Variants in GATAD2A observed in about 807,000 individuals in gnomAD.
GATAD2A encodes GATA zinc finger domain containing 2A, also known as transcriptional repressor p66-alpha.
GATAD2A carries 12 observed loss-of-function variants against 68.5 expected under a neutral mutation model. That is an observed-to-expected ratio of 0.18 (90% CI 0.11 to 0.28). GATAD2A has a LOEUF of 0.28. GATAD2A is among the 10% of genes least tolerant of loss of function. GATAD2A has a pLI of 1.00. For missense variants in GATAD2A, 755 were observed against 868.5 expected (o/e 0.87, Z 1.64); for synonymous variants, 410 against 375.3 (o/e 1.09, Z -1.07).
At chr19:19,501,768 C>T (rs80043488) in intron 9 of GATAD2A, among the ~76,000 whole-genome samples, 1 of 152,192 alleles carries the variant, frequency 6.6e-6, no homozygotes. Flanking sequence ...CCTTCCCACC[C>T]TCTTGTAGAC....
At chr19:19,461,745 G>T (rs568736273) in intron 1 of GATAD2A, among the ~76,000 whole-genome samples, 6 of 152,244 alleles carry the variant, frequency 3.9e-5, no homozygotes, top group Non-Finnish European at 7.3e-5. Flanking sequence ...AGCCTTGCTG[G>T]TGCTGCTCAT....
rs1367096298 is a variant in GATAD2A at position 19,492,358 on chromosome 19, G to A, written c.322G>A (p.Asp108Asn). Residue 108 changes from aspartate to asparagine, a missense_variant, in exon 3 of 12, where the codon GAC becomes AAC. Asp to Asn is a conservative substitution (Grantham distance 23). Coordinates refer to ENST00000683918, the MANE Select transcript of GATAD2A (RefSeq NM_001384528.1). ...CTCACCTGACGTGATTGTGCTCTCC[G>A]ACAACGAGCAGCCCTCGAGCCCGAG... Reference protein sequence around the residue: ...PPSPDVIVLSDNEQPSSPRVN... With the variant: ...PPSPDVIVLSNNEQPSSPRVN... 5 of 1,611,818 alleles carry A rather than the reference G, an allele frequency of 3.1e-6. No individual in the cohort carries two copies. The highest frequency in any genetic ancestry group is 1.7e-5 in the Admixed American group (1 of 59,734).
At chr19:19,477,922 G>T (rs1049345170) in intron 2 of GATAD2A, among the ~76,000 whole-genome samples, 1 of 152,188 alleles carries the variant, frequency 6.6e-6, no homozygotes, top group Non-Finnish European at 1.5e-5. Context: ...ATAGGGCGTC[G>T]CCCGCTTTCT....
At chr19:19,476,870 G>T (rs1194158984) in intron 2 of GATAD2A, among the ~76,000 whole-genome samples, 1 of 152,220 alleles carries the variant, frequency 6.6e-6, no homozygotes, top group African/African-American at 2.4e-5. Context: ...GGTTAGAAGA[G>T]ATCTTTCTGA....
At chr19:19,429,316 G>A in intron 1 of GATAD2A, 3 of 735,686 alleles carry the variant, frequency 4.1e-6, no homozygotes, top group Non-Finnish European at 5.0e-6. Flanking sequence ...GAGCTAGGAG[G>A]GGCTCTCCTG....
intron 2 of GATAD2A, among the ~76,000 whole-genome samples, chr19:19,484,532 CTTTTTT>C (rs897099165): frequency 1.1e-5 from 1 of 86,958 alleles, no homozygotes; most frequent in Non-Finnish European, 2.2e-5. Context: ...TTTTTTTTTT[CTTTTTT>C]TTTTTTTTTT....
At chr19:19,436,463 A>G (rs568188628) in intron 1 of GATAD2A, among the ~76,000 whole-genome samples, 5 of 152,352 alleles carry the variant, frequency 3.3e-5, no homozygotes, top group Admixed American at 2.6e-4. Context: ...CCTAGGTCTA[A>G]ATAAGATGAG....
At chr19:19,492,262 C>T in intron 2 of GATAD2A, 44 bp from the exon 3 acceptor site, 4 of 1,571,474 alleles carry the variant, frequency 2.5e-6, no homozygotes, top group African/African-American at 1.4e-5. Flanking sequence ...GCACTGGGTC[C>T]AGCTGTCAAG....
intron 11 of GATAD2A, among the ~76,000 whole-genome samples, chr19:19,504,493 G>A (rs1050133096): frequency 2.0e-5 from 3 of 151,898 alleles, no homozygotes; most frequent in Non-Finnish European, 2.9e-5. Context: ...CTTACTGGAC[G>A]CATTAAAATT....
At chr19:19,395,571 C>T (rs1047695124) in intron 1 of GATAD2A, among the ~76,000 whole-genome samples, 1 of 152,150 alleles carries the variant, frequency 6.6e-6, no homozygotes, top group Non-Finnish European at 1.5e-5. Flanking sequence ...TCAACTAATA[C>T]ACCCACAAAC....
At chr19:19,451,803 A>G (rs1378352980) in intron 1 of GATAD2A, among the ~76,000 whole-genome samples, 3 of 152,198 alleles carry the variant, frequency 2.0e-5, no homozygotes, top group African/African-American at 7.2e-5. Flanking sequence ...GCTCTTGAGA[A>G]CTACTGTTCT....
chr19:19,504,738 T>C (rs2060774772), intron 11 of GATAD2A, among the ~76,000 whole-genome samples: 2 of 150,586 alleles, frequency 1.3e-5, no homozygotes, highest in African/African-American at 4.9e-5. Flanking sequence ...AGCCTGGATC[T>C]CCTAGGCCCA....
intron 1 of GATAD2A, among the ~76,000 whole-genome samples, chr19:19,433,917 C>T (rs1212432253): frequency 1.3e-5 from 2 of 152,118 alleles, no homozygotes; most frequent in South Asian, 2.1e-4. Context: ...CTCAGGTGCA[C>T]GCCACCACAC....
At chr19:19,440,041 G>A (rs914863921) in intron 1 of GATAD2A, 1 of 238,280 alleles carries the variant, frequency 4.2e-6, no homozygotes, top group Non-Finnish European at 8.5e-6. Flanking sequence ...TTCAGACTGG[G>A]CAACTTGTGG....
intron 2 of GATAD2A, among the ~76,000 whole-genome samples, chr19:19,479,328 C>T (rs1413138146): frequency 6.6e-6 from 1 of 152,170 alleles, no homozygotes; most frequent in Non-Finnish European, 1.5e-5. Flanking sequence ...AAACCTCATC[C>T]CAGTCTCCAC....
In GATAD2A at chr19:19,498,655, C is replaced by G. The variant is rs755545888; in HGVS notation, c.1137C>G (p.Ala379=). ...CAGAGATGAACTTCCTGCCCAGCGC[C>G]GCCAACAACGAGTTCATCTACCTGG... is the stretch of plus-strand genomic sequence containing the variant. ...PAPEMNFLPS[A]ANNEFIYLVG... Residue 379 remains alanine (A), a synonymous_variant, in exon 8 of 12, where the codon GCC becomes GCG. Coordinates refer to ENST00000683918, the MANE Select transcript of GATAD2A (RefSeq NM_001384528.1). The G allele has an allele frequency of 6.2e-7, 1 of 1,613,896 alleles. No individual in the cohort carries two copies. Among genetic ancestry groups the G allele is most frequent in the Non-Finnish European group, 8.5e-7 (1 of 1,179,962 alleles).
intron 2 of GATAD2A, among the ~76,000 whole-genome samples, chr19:19,478,531 T>C (rs2058827308): frequency 6.6e-6 from 1 of 151,468 alleles, no homozygotes; most frequent in Admixed American, 6.6e-5. Context: ...GAGACAGAGG[T>C]TGCAGTGAGC....
chr19:19,416,348 G>T (rs1406339554), intron 1 of GATAD2A, among the ~76,000 whole-genome samples: 1 of 152,104 alleles, frequency 6.6e-6, no homozygotes, highest in African/African-American at 2.4e-5. Flanking sequence ...GTTCAGATGA[G>T]AGATGATTTG....
rs368388782 is a variant in GATAD2A, at chr19:19,449,294, G to A, written c.-6-16046G>A. On this transcript the variant is annotated intron_variant, in intron 1 of 11. Coordinates refer to ENST00000683918, the MANE Select transcript of GATAD2A (RefSeq NM_001384528.1). Reference sequence around the variant, plus strand: ...ACAGCTTTGCTCTGCACAGGGTGCTGGAGTGAGAGGCTACCAGAGCTGCTC... The same window carrying A: ...ACAGCTTTGCTCTGCACAGGGTGCTAGAGTGAGAGGCTACCAGAGCTGCTC... 3.0e-4 allele frequency among the ~76,000 whole-genome samples: 45 copies of A among 152,286 alleles called. 1 individual carries two copies. Among genetic ancestry groups the A allele is most frequent in the African/African-American group, 1.0e-3 (43 of 41,546 alleles).
Sources: allele counts gnomAD v4.1 joint callset (sites outside exome capture counted in the v4.1 genomes callset), GRCh38; gene constraint gnomAD v4.1.1; transcripts MANE v1.5; gene names NCBI Gene and HGNC (gene_info 2026-07-23, HGNC 2026-07-21).